Variants in IFT74 observed in about 807,000 individuals in gnomAD.
The protein encoded by IFT74 is intraflagellar transport 74.
In IFT74, 92 loss-of-function variants were observed where a neutral mutation model predicts 96.7. The observed-to-expected ratio is 0.95, with a 90% confidence interval of 0.80 to 1.13. The LOEUF (loss-of-function observed/expected upper bound fraction) is 1.13. Among genes scored for constraint, IFT74 ranks in the 50% most tolerant of loss-of-function variants. The pLI is 0.00. For synonymous variants in IFT74, 223 were observed against 213.2 expected (o/e 1.05, Z -0.40); for missense variants, 811 against 698.2 (o/e 1.16, Z -1.82).
At position 27,048,370 on chromosome 9, in the gene IFT74, T is replaced by C; in HGVS notation, c.1333+96T>C. 4.9e-6 allele frequency: 4 copies of C among 811,882 alleles called. No individual in the cohort carries two copies. In the South Asian group the frequency reaches 1.1e-4, roughly 22 times the overall value. The allele number at this position is 811,882 out of a possible 1,614,324, so 50.3% of individuals were successfully genotyped here. A position where few individuals can be genotyped will look rare whatever the true frequency, so the allele number is the denominator to read the frequency against. ...AAAGCCTCATTGACAGAGGCTATAA[T>C]TTATGATTGCCTATTGCCCCAGAAT... is the stretch of plus-strand genomic sequence containing the variant. On this transcript the variant is annotated intron_variant, in intron 16 of 19. Transcript: ENST00000380062.
intron 10 of IFT74, among the ~76,000 whole-genome samples, chr9:27,013,627 A>T (rs75507372): frequency 0.012 from 1,771 of 152,308 alleles, 37 homozygotes; most frequent in African/African-American, 0.04. Flanking sequence ...ACCTTATTTG[A>T]ATTTTCATTT....
intron 8 of IFT74, among the ~76,000 whole-genome samples, chr9:27,000,017 C>A (rs942811986): frequency 6.6e-6 from 1 of 152,064 alleles, no homozygotes; most frequent in Non-Finnish European, 1.5e-5. Flanking sequence ...GCCATTTCCC[C>A]CCAGCCACTG....
intron 1 of IFT74, chr9:26,947,264 C>T: frequency 1.8e-6 from 1 of 550,380 alleles, no homozygotes; most frequent in South Asian, 2.4e-5. Context: ...CGGAATTCAT[C>T]ATCGGCCTCA....
At chr9:26,955,816 A>T (rs1826065537), upstream of IFT74, 2 of 150,636 alleles carry the variant, frequency 1.3e-5, no homozygotes, top group Admixed American at 6.6e-5. Flanking sequence ...AGTGGGATTT[A>T]AGGTGAAGTA....
At chr9:26,990,494 C>A (rs1455633020) in intron 8 of IFT74, among the ~76,000 whole-genome samples, 1 of 152,054 alleles carries the variant, frequency 6.6e-6, no homozygotes, top group African/African-American at 2.4e-5. Context: ...TTGGTTTTAA[C>A]CTGGGCTTTT....
Position 27,044,773 on chromosome 9 carries a change from G to C in IFT74, c.1086G>C (p.Lys362Asn). The C allele has an allele frequency of 6.4e-7, 1 of 1,556,594 alleles. No homozygotes were observed. Among genetic ancestry groups the C allele is most frequent in the Non-Finnish European group, 8.8e-7 (1 of 1,137,338 alleles). Residue 362 changes from lysine to asparagine, a missense_variant, in exon 14 of 20, where the codon AAG becomes AAC. Physicochemically the swap from Lys to Asn is moderately conservative, Grantham distance 94. Coordinates refer to ENST00000380062, the MANE Select transcript of IFT74 (RefSeq NM_025103.4). Reference protein sequence around the residue: ...GEMNQKYKELKKREEHMDTFI... With the variant: ...GEMNQKYKELNKREEHMDTFI... ...TGAACCAGAAATACAAGGAGCTAAA[G>C]AAAAGGGAGGAACATATGGACAGTA...
At chr9:27,052,347 TAA>T (rs1819961894) in intron 16 of IFT74, among the ~76,000 whole-genome samples, 1 of 151,890 alleles carries the variant, frequency 6.6e-6, no homozygotes, top group African/African-American at 2.4e-5. Context: ...CCATCTCTAC[TAA>T]AAATACAAAA....
At position 26,992,140 on chromosome 9, in the gene IFT74, A is replaced by G. The variant is rs150539429; in HGVS notation, c.587+1945A>G. On this transcript the variant is annotated intron_variant, in intron 8 of 19. Coordinates refer to ENST00000380062, the MANE Select transcript of IFT74 (RefSeq NM_025103.4). The stretch of plus-strand genomic sequence containing the variant: ...ATTTCATCATTTATCTCAAAGTTAT[A>G]TAATACCTAGGTCAGGTTTTAAATA... Among the ~76,000 whole-genome samples, 597 of 152,316 alleles carry G rather than the reference A, an allele frequency of 3.9e-3. 3 individuals are homozygous for G. The highest frequency in any genetic ancestry group is 0.014 in the African/African-American group (572 of 41,580).
chr9:26,974,577 G>A (rs935878754), intron 2 of IFT74, among the ~76,000 whole-genome samples: 2 of 152,052 alleles, frequency 1.3e-5, no homozygotes, highest in Non-Finnish European at 2.9e-5. Context: ...ATGTTTTCCT[G>A]GTGAGCTGCA....
chr9:26,979,472 A>G (rs1296952375), intron 3 of IFT74, among the ~76,000 whole-genome samples: 1 of 152,074 alleles, frequency 6.6e-6, no homozygotes, highest in Admixed American at 6.6e-5. Context: ...AGTCTCTACA[A>G]GTATACTTCA....
intron 2 of IFT74, among the ~76,000 whole-genome samples, chr9:26,973,333 C>T (rs1826960503): frequency 6.6e-6 from 1 of 152,176 alleles, no homozygotes; most frequent in Non-Finnish European, 1.5e-5. Flanking sequence ...GGGAGACATA[C>T]AGGGTTTAAG....
Position 26,961,994 on chromosome 9 carries a change from A to G in IFT74, c.27A>G (p.Ala9=), listed in dbSNP as rs780678008. The change falls in exon 2 of 20, where the codon GCA becomes GCG. Residue 9 remains alanine, a synonymous_variant. Transcript: ENST00000380062. ...TGGCCAGCAATCACAAATCTTCAGCAGCTCGCCCTGTTTCAAGAGGTGGAG... is the reference window on the plus strand; with the variant it reads ...TGGCCAGCAATCACAAATCTTCAGCGGCTCGCCCTGTTTCAAGAGGTGGAG... The part of the protein sequence containing the change: MASNHKSS[A]ARPVSRGGVG... The G allele has an allele frequency of 2.5e-6, 4 of 1,614,144 alleles. No homozygotes were observed. Among genetic ancestry groups the G allele is most frequent in the Admixed American group, 3.3e-5 (2 of 60,026 alleles).
chr9:27,060,712 A>G, intron 19 of IFT74, 61 bp downstream of exon 19: 1 of 1,232,498 alleles, frequency 8.1e-7, no homozygotes, highest in Non-Finnish European at 1.1e-6. Context: ...TAGTCCCAAC[A>G]CTTTGGGAGG....
At chr9:26,995,634 TTGTTTC>T in intron 8 of IFT74, 2 of 1,613,650 alleles carry the variant, frequency 1.2e-6, no homozygotes, top group Non-Finnish European at 1.7e-6. Flanking sequence ...TCTTCAGAGT[TTGTTTC>T]TGGTATCTGT....
intron 13 of IFT74, among the ~76,000 whole-genome samples, chr9:27,032,677 C>T (rs1830180029): frequency 1.3e-5 from 2 of 151,776 alleles, no homozygotes; most frequent in South Asian, 4.2e-4. Context: ...ACCAGCCTGA[C>T]CAACATGGTG....
At position 27,047,633 on chromosome 9, in the gene IFT74, AATT is replaced by A. The variant is rs201099745; in HGVS notation, c.1206+268_1206+270del. 6.3e-3 allele frequency among the ~76,000 whole-genome samples: 953 copies of A among 152,324 alleles called. 12 individuals are homozygous for A. Among genetic ancestry groups the A allele is most frequent in the African/African-American group, 0.022 (895 of 41,586 alleles). On this transcript the variant is annotated intron_variant, in intron 15 of 19. Coordinates refer to ENST00000380062, the MANE Select transcript of IFT74 (RefSeq NM_025103.4). Reference sequence around the variant, plus strand: ...AGTAAATGAAGCACTAATTCAGAGTAATTATTATGATCTTCTTCCATTGTTAAT... The same window carrying A: ...AGTAAATGAAGCACTAATTCAGAGTAATTATGATCTTCTTCCATTGTTAAT...
intron 19 of IFT74, 27 bp from the exon 20 acceptor site, chr9:27,062,591 G>A: frequency 8.2e-7 from 1 of 1,215,540 alleles, no homozygotes; most frequent in Non-Finnish European, 1.2e-6. Context: ...TATTGACATT[G>A]TTTTCCCCCT....
chr9:27,031,918 C>T (rs1251719529), intron 13 of IFT74, among the ~76,000 whole-genome samples: 1 of 152,006 alleles, frequency 6.6e-6, no homozygotes, highest in Non-Finnish European at 1.5e-5. Context: ...TGCTCTGTTG[C>T]CCAGGCTGAT....
chr9:26,959,405 G>T (rs573661410), intron 1 of IFT74, among the ~76,000 whole-genome samples: 1 of 152,130 alleles, frequency 6.6e-6, no homozygotes, highest in African/African-American at 2.4e-5. Flanking sequence ...CACCGCGCCC[G>T]GCTGGATATA....
Sources: allele counts gnomAD v4.1 joint callset (sites outside exome capture counted in the v4.1 genomes callset), GRCh38; gene constraint gnomAD v4.1.1; transcripts MANE v1.5; gene names NCBI Gene and HGNC (gene_info 2026-07-23, HGNC 2026-07-21).